ATP10A: variants seen among roughly 807,000 people sequenced by gnomAD.
The protein encoded by ATP10A is ATPase phospholipid transporting 10A (putative).
A neutral mutation model predicts 147.8 loss-of-function variants in ATP10A; 111 were observed. The observed-to-expected ratio is 0.75, with a 90% CI of 0.64 to 0.88. ATP10A has a LOEUF of 0.88. Ranked by LOEUF, ATP10A falls within the 40% of genes least tolerant of loss-of-function variation. ATP10A has a pLI of 0.00. For synonymous variants in ATP10A, 875 were observed against 841.6 expected (o/e 1.04, Z -0.69); for missense variants, 1,927 against 1,959.0 (o/e 0.98, Z 0.31).
intron 12 of ATP10A, among the ~76,000 whole-genome samples, chr15:25,702,784 A>G (rs1184565137): frequency 2.0e-5 from 3 of 149,106 alleles, no homozygotes; most frequent in African/African-American, 7.4e-5. Context: ...ATCTGTTTAC[A>G]TCTTGGTGAG....
chr15:25,736,747 T>TG (rs1381497448), intron 2 of ATP10A, among the ~76,000 whole-genome samples: 1 of 150,790 alleles, frequency 6.6e-6, no homozygotes, highest in Non-Finnish European at 1.5e-5. Context: ...GGCTTAGGAG[T>TG]GGGGGGAAGG....
chr15:25,801,226 G>A (rs1044155279), intron 1 of ATP10A, among the ~76,000 whole-genome samples: 10 of 152,050 alleles, frequency 6.6e-5, no homozygotes, highest in African/African-American at 2.2e-4. Context: ...GCATCACCTC[G>A]AGGCCCAGGG....
chr15:25,718,377 T>C lies in ATP10A; in HGVS notation c.1386A>G (p.Gln462=), dbSNP rs2140411017. The change falls in exon 8 of 21, where the codon CAA becomes CAG. Residue 462 remains glutamine (Q), a synonymous_variant. Transcript: ENST00000555815. ...DANAQRLARY[Q]EADSEEEEVV... ...CCTCCTCCTCCTCCGAGTCTGCCTC[T>C]TGGTACCTGGCCAGACGCTGCGCTG... is the stretch of plus-strand genomic sequence containing the variant. The C allele has an allele frequency of 6.2e-7, 1 of 1,605,938 alleles. No individual in the cohort carries two copies. Among genetic ancestry groups the C allele is most frequent in the Non-Finnish European group, 8.5e-7 (1 of 1,178,318 alleles).
At chr15:25,693,892 C>A in intron 14 of ATP10A, among the ~76,000 whole-genome samples, 1 of 152,218 alleles carries the variant, frequency 6.6e-6, no homozygotes, top group East Asian at 1.9e-4. Flanking sequence ...CAGCAATCTC[C>A]ATGTCAACAA....
intron 1 of ATP10A, among the ~76,000 whole-genome samples, chr15:25,791,718 T>A (rs957883763): frequency 2.0e-5 from 3 of 152,254 alleles, no homozygotes; most frequent in African/African-American, 7.2e-5. Flanking sequence ...TTCTTTCCTC[T>A]CTTCTTGACC....
chr15:25,749,489 G>C (rs1242128583), intron 2 of ATP10A, among the ~76,000 whole-genome samples: 3 of 152,134 alleles, frequency 2.0e-5, no homozygotes, highest in African/African-American at 7.2e-5. Context: ...ATTAACTCTA[G>C]ATGAGCACTT....
chr15:25,720,074 T>C (rs4534811), intron 7 of ATP10A, among the ~76,000 whole-genome samples: 124,191 of 152,102 alleles, frequency 0.82, 51,395 homozygotes, highest in East Asian at 1. Flanking sequence ...GGTTTTATGG[T>C]AGCATTTGGC....
chr15:25,839,459 C>T (rs111571495), intron 1 of ATP10A, among the ~76,000 whole-genome samples: 2 of 152,104 alleles, frequency 1.3e-5, no homozygotes, highest in African/African-American at 4.8e-5. Flanking sequence ...TGCTTATCTC[C>T]GTACCCGTGA....
chr15:25,717,305 A>G (rs1364944987), intron 8 of ATP10A, among the ~76,000 whole-genome samples: 1 of 152,224 alleles, frequency 6.6e-6, no homozygotes, highest in Non-Finnish European at 1.5e-5. Context: ...GAAAATGGAT[A>G]TGTCATCATT....
At chr15:25,855,769 T>C (rs1370647087) in intron 1 of ATP10A, among the ~76,000 whole-genome samples, 1 of 152,186 alleles carries the variant, frequency 6.6e-6, no homozygotes, top group Admixed American at 6.5e-5. Flanking sequence ...TATCTCTGCT[T>C]ACTGATGAAT....
At chr15:25,728,192 G>T (rs1248368280) in intron 3 of ATP10A, among the ~76,000 whole-genome samples, 1 of 152,142 alleles carries the variant, frequency 6.6e-6, no homozygotes, top group African/African-American at 2.4e-5. Flanking sequence ...GTCTCACCAG[G>T]GACCCCTGCA....
intron 10 of ATP10A, among the ~76,000 whole-genome samples, chr15:25,711,038 G>A (rs866440982): frequency 1.2e-4 from 18 of 151,718 alleles, no homozygotes; most frequent in Non-Finnish European, 1.5e-4. Flanking sequence ...TGAGTGACTC[G>A]TCCAGGGTCA....
chr15:25,752,789 T>C (rs1487133126), intron 2 of ATP10A, among the ~76,000 whole-genome samples: 1 of 152,218 alleles, frequency 6.6e-6, no homozygotes, highest in Non-Finnish European at 1.5e-5. Flanking sequence ...TGCCTATCCA[T>C]GAACATAGGA....
At chr15:25,845,909 G>A (rs72689226) in intron 1 of ATP10A, among the ~76,000 whole-genome samples, 9,494 of 152,256 alleles carry the variant, frequency 0.062, 441 homozygotes, top group Non-Finnish European at 0.09. Context: ...AGCGCCCAAG[G>A]GTCCCTTAAC....
chr15:25,817,004 A>G (rs1285106204), intron 1 of ATP10A, among the ~76,000 whole-genome samples: 1 of 152,154 alleles, frequency 6.6e-6, no homozygotes. Flanking sequence ...GAATTTTACA[A>G]TTTAGCTAGT....
intron 2 of ATP10A, among the ~76,000 whole-genome samples, chr15:25,779,565 G>T (rs1342224450): frequency 2.6e-5 from 4 of 151,420 alleles, no homozygotes; most frequent in Non-Finnish European, 5.9e-5. Context: ...GAAGAGAGCC[G>T]GGGGTGGGGG....
chr15:25,857,733 C>T (rs1255833523), intron 1 of ATP10A, among the ~76,000 whole-genome samples: 1 of 152,060 alleles, frequency 6.6e-6, no homozygotes, highest in African/African-American at 2.4e-5. Context: ...TTTAAAGAGG[C>T]CTGTTGTTCT....
intron 3 of ATP10A, among the ~76,000 whole-genome samples, chr15:25,727,948 T>C (rs769227521): frequency 2.6e-5 from 4 of 152,124 alleles, no homozygotes; most frequent in Non-Finnish European, 5.9e-5. Context: ...GGGACAGATA[T>C]GGCCCCAGGG....
chr15:25,719,189 C>T (rs943391389), intron 7 of ATP10A, among the ~76,000 whole-genome samples: 3 of 152,180 alleles, frequency 2.0e-5, no homozygotes, highest in African/African-American at 7.2e-5. Flanking sequence ...ACTTCAAGCA[C>T]AGGCATGGTG....
Sources: allele counts gnomAD v4.1 joint callset (sites outside exome capture counted in the v4.1 genomes callset), GRCh38; gene constraint gnomAD v4.1.1; transcripts MANE v1.5; gene names NCBI Gene and HGNC (gene_info 2026-07-23, HGNC 2026-07-21).